CACNA2D1: variants seen among roughly 807,000 people sequenced by gnomAD.
CACNA2D1 encodes the protein calcium voltage-gated channel auxiliary subunit alpha2delta 1.
In CACNA2D1, 53 loss-of-function variants were observed where a neutral mutation model predicts 171.5. That is an observed-to-expected ratio of 0.31 (90% CI 0.25 to 0.39). CACNA2D1 has a LOEUF of 0.39. CACNA2D1 is among the 10% of genes least tolerant of loss of function. The pLI is 1.00. For synonymous variants in CACNA2D1, 442 were observed against 443.1 expected (o/e 1.00, Z 0.03); for missense variants, 903 against 1,299.8 (o/e 0.69, Z 4.69).
chr7:82,335,909 T>C (rs527312124), intron 2 of CACNA2D1, among the ~76,000 whole-genome samples: 1 of 152,330 alleles, frequency 6.6e-6, no homozygotes, highest in African/African-American at 2.4e-5. Context: ...TTGACTACCT[T>C]TCTGGCTCAC....
intron 12 of CACNA2D1, chr7:82,028,368 A>G (rs1215565061): frequency 6.6e-6 from 1 of 151,892 alleles, no homozygotes; most frequent in African/African-American, 2.4e-5. Context: ...CAATGTAGGT[A>G]GTCGCCCAAG....
At chr7:82,007,886 C>G (rs1799297083) in intron 15 of CACNA2D1, 130 bp from the exon 16 acceptor site, 3 of 649,684 alleles carry the variant, frequency 4.6e-6, no homozygotes, top group East Asian at 2.8e-5. Context: ...ACTAGTAACT[C>G]ATTTTGAATA....
chr7:82,113,120 C>CTGG (rs754294161), intron 6 of CACNA2D1, among the ~76,000 whole-genome samples: 118 of 152,168 alleles, frequency 7.8e-4, no homozygotes, highest in Non-Finnish European at 1.5e-3. Context: ...ACAAAAGTAT[C>CTGG]TGGTCCCTGA....
chr7:82,430,320 A>T (rs1304284919), intron 1 of CACNA2D1, among the ~76,000 whole-genome samples: 2 of 150,658 alleles, frequency 1.3e-5, no homozygotes, highest in African/African-American at 4.9e-5. Context: ...CAGGAGGCTG[A>T]GGCAGGAGAA....
At chr7:82,216,493 A>G (rs1308290381) in intron 3 of CACNA2D1, among the ~76,000 whole-genome samples, 1 of 152,218 alleles carries the variant, frequency 6.6e-6, no homozygotes, top group Non-Finnish European at 1.5e-5. Flanking sequence ...TAATGACAAT[A>G]GAATATGAAG....
chr7:82,066,278 T>G (rs1401730675), intron 8 of CACNA2D1, among the ~76,000 whole-genome samples, 177 bp downstream of exon 8: 1 of 152,096 alleles, frequency 6.6e-6, no homozygotes, highest in Non-Finnish European at 1.5e-5. Context: ...TAATTAGCAT[T>G]ACCCACTTGA....
At chr7:82,274,067 T>G (rs1808998135) in intron 3 of CACNA2D1, among the ~76,000 whole-genome samples, 1 of 152,110 alleles carries the variant, frequency 6.6e-6, no homozygotes. Flanking sequence ...ACTCTCGCAC[T>G]TGCTCATTAA....
chr7:82,097,385 C>T (rs922563276), intron 6 of CACNA2D1, among the ~76,000 whole-genome samples: 23 of 152,132 alleles, frequency 1.5e-4, no homozygotes, highest in Non-Finnish European at 2.6e-4. Context: ...CAGGTACCAT[C>T]AGACTGGTGA....
intron 1 of CACNA2D1, among the ~76,000 whole-genome samples, chr7:82,410,910 C>A (rs998133709): frequency 3.3e-5 from 5 of 152,172 alleles, no homozygotes; most frequent in African/African-American, 1.2e-4. Flanking sequence ...TTCGAGACTG[C>A]CCTCTCTCTC....
intron 6 of CACNA2D1, among the ~76,000 whole-genome samples, chr7:82,108,390 G>A (rs1787990038): frequency 1.3e-5 from 2 of 152,084 alleles, no homozygotes; most frequent in African/African-American, 4.8e-5. Context: ...CTTCATCGTA[G>A]AAGGCCACCA....
At chr7:82,026,042 T>C (rs1227302497) in intron 12 of CACNA2D1, among the ~76,000 whole-genome samples, 1 of 150,994 alleles carries the variant, frequency 6.6e-6, no homozygotes, top group African/African-American at 2.4e-5. Context: ...CTTTGTCTCG[T>C]GTCAGTTTTT....
chr7:82,406,178 T>G (rs1340764988), intron 1 of CACNA2D1, among the ~76,000 whole-genome samples: 2 of 152,168 alleles, frequency 1.3e-5, no homozygotes, highest in African/African-American at 4.8e-5. Context: ...CTCAGAATGA[T>G]GGTTTCCAGC....
Position 82,136,677 on chromosome 7 carries a change from C to T in CACNA2D1, c.355-1G>A. On this transcript the variant is annotated splice_acceptor_variant, in intron 4 of 38. Transcript: ENST00000356860. LOFTEE classifies it high-confidence loss of function. ...CATTGTAGTAGACAACTTCATTGCT[C>T]TACAAAAAAAAAAGAACGCTTTATT... The T allele has an allele frequency of 6.4e-7, 1 of 1,564,340 alleles. No individual in the cohort carries two copies. The highest frequency in any genetic ancestry group is 8.7e-7 in the Non-Finnish European group (1 of 1,153,302).
chr7:82,098,212 TCA>T (rs1812165081), intron 6 of CACNA2D1, among the ~76,000 whole-genome samples: 1 of 152,114 alleles, frequency 6.6e-6, no homozygotes, highest in Non-Finnish European at 1.5e-5. Flanking sequence ...GACCCAACTC[TCA>T]CAAACAAAAA....
chr7:81,962,171 T>G, intron 35 of CACNA2D1, 148 bp from the exon 36 acceptor site: 1 of 718,944 alleles, frequency 1.4e-6, no homozygotes, highest in Non-Finnish European at 2.4e-6. Flanking sequence ...CTGTGTAATA[T>G]CGTGGCAGCC....
At chr7:82,247,517 A>C (rs1805075856) in intron 3 of CACNA2D1, among the ~76,000 whole-genome samples, 1 of 152,108 alleles carries the variant, frequency 6.6e-6, no homozygotes, top group South Asian at 2.1e-4. Flanking sequence ...AAAGAAAAAA[A>C]AAAAGGAAAG....
rs148347884 is a variant in CACNA2D1, at chr7:82,060,637, AAAT to A, written c.780-113_780-111del. ...ACCCTAGATCTTTTATATATTATTTAAATAATAATTTTGCCCTTGAAAATCAGT... is the reference window on the plus strand; with the variant it reads ...ACCCTAGATCTTTTATATATTATTTAAATAATTTTGCCCTTGAAAATCAGT... On this transcript the variant is annotated intron_variant, in intron 9 of 38. Coordinates refer to ENST00000356860, the MANE Select transcript of CACNA2D1 (RefSeq NM_000722.4). The A allele has an allele frequency of 2.6e-3, 1,463 of 572,890 alleles. 18 individuals carry two copies. The highest frequency in any genetic ancestry group is 0.025 in the African/African-American group (1,314 of 52,564). The allele number at this position is 572,890 out of a possible 1,614,324, so 35.5% of individuals were successfully genotyped here.
intron 12 of CACNA2D1, chr7:82,029,706 A>C (rs541114149): frequency 3.3e-5 from 5 of 151,614 alleles, no homozygotes; most frequent in African/African-American, 1.2e-4. Flanking sequence ...AACAGATATA[A>C]ATATGTGTGG....
chr7:82,072,610 C>T (rs867346465), intron 7 of CACNA2D1, among the ~76,000 whole-genome samples: 1 of 150,976 alleles, frequency 6.6e-6, no homozygotes, highest in Non-Finnish European at 1.5e-5. Context: ...AAGCAGAAGA[C>T]AAGACAGGAA....
Sources: gnomAD v4.1 joint callset for allele counts (sites outside exome capture counted in the v4.1 genomes callset) on GRCh38, gnomAD v4.1.1 for gene constraint, MANE v1.5 for transcripts, NCBI Gene and HGNC (gene_info 2026-07-23, HGNC 2026-07-21) for gene names.